Variants in CACNA1C observed in about 807,000 individuals in gnomAD.
CACNA1C encodes the protein voltage-dependent L-type calcium channel subunit alpha-1C.
CACNA1C carries 30 observed loss-of-function variants against 229.0 expected under a neutral mutation model. The ratio of observed to expected loss-of-function variants is 0.13; its 90% CI spans 0.10 to 0.18. The LOEUF is 0.18. CACNA1C is among the 10% of genes least tolerant of loss of function. The probability of loss-of-function intolerance (pLI) is 1.00; values close to 1 mark genes in which losing one functional copy is unlikely to be tolerated. For synonymous variants in CACNA1C, 1,114 were observed against 1,132.5 expected, an observed-to-expected ratio of 0.98 and a Z score of 0.33; for missense variants, 1,658 against 2,845.0, an observed-to-expected ratio of 0.58 and a Z score of 9.49.
chr12:2,596,000 C>T lies in CACNA1C; in HGVS notation c.2790C>T (p.Asn930=). Residue 930 remains asparagine, a synonymous_variant, in exon 20 of 47, where the codon AAC becomes AAT. Coordinates refer to ENST00000399655, the MANE Select transcript of CACNA1C (RefSeq NM_000719.7). The surrounding 1 kb of genome is among the most constrained non-coding windows in gnomAD (Gnocchi z 4.1). ...CGGTCCAGCACACCTCCTTCAGGAA[C>T]CATGTATGCATCGCCTGTGTCTTCT... The part of the protein sequence containing the change: ...EDPVQHTSFR[N]HILFYFDIVF... The T allele has an allele frequency of 6.2e-7, 1 of 1,612,594 alleles. No individual in the cohort carries two copies. The highest frequency in any genetic ancestry group is 8.5e-7 in the Non-Finnish European group (1 of 1,179,200).
In CACNA1C at chr12:2,639,311, C is replaced by T. The variant is rs958318935; in HGVS notation, c.3912+4931C>T. Among the ~76,000 whole-genome samples, 6 of 152,306 alleles carry T rather than the reference C, an allele frequency of 3.9e-5. No individual in the cohort carries two copies. Among genetic ancestry groups the T allele is most frequent in the South Asian group, 2.1e-4 (1 of 4,818 alleles). ...GAAATCATATTTTCCTGTGATTGTT[C>T]GTGAAAGTTACTACAGCACCAGAAA... On this transcript the variant is annotated intron_variant, in intron 30 of 46. Transcript: ENST00000399655. The surrounding 1 kb of genome is among the most constrained non-coding windows in gnomAD (Gnocchi z 4.2).
chr12:2,311,897 T>C (rs1341383605), intron 3 of CACNA1C, among the ~76,000 whole-genome samples: 4 of 152,216 alleles, frequency 2.6e-5, no homozygotes, highest in Admixed American at 2.6e-4. Context: ...AACTTAAAAA[T>C]GGTTAACATA....
intron 1 of CACNA1C, among the ~76,000 whole-genome samples, chr12:2,069,735 A>G (rs2060541257): frequency 6.6e-6 from 1 of 152,238 alleles, no homozygotes; most frequent in Non-Finnish European, 1.5e-5. Context: ...GAAATATGGC[A>G]GGAGAAAACT....
chr12:2,089,518 A>G lies in CACNA1C; in HGVS notation c.50-25706A>G, dbSNP rs534596615. Among the ~76,000 whole-genome samples, 10 of 152,346 alleles carry G rather than the reference A, an allele frequency of 6.6e-5. No individual in the cohort carries two copies. The East Asian group carries it at 1.5e-3, about 24-fold the overall frequency. ...AGGAATAAAACAGGTTGTGATGAACATGGCAACAGAGCGTGGTGACAGGAT... is the reference window on the plus strand; with the variant it reads ...AGGAATAAAACAGGTTGTGATGAACGTGGCAACAGAGCGTGGTGACAGGAT... On this transcript the variant is annotated intron_variant, in intron 1 of 46. Coordinates refer to ENST00000399655, the MANE Select transcript of CACNA1C (RefSeq NM_000719.7).
rs568934810 is a variant in CACNA1C, at chr12:2,474,236, C to T, written c.758-11868C>T. On this transcript the variant is annotated intron_variant, in intron 5 of 46. Coordinates refer to ENST00000399655, the MANE Select transcript of CACNA1C (RefSeq NM_000719.7). ...AGTGAGTGCAACCAAGCCACCTTTT[C>T]CTCCTGTTTGGCCTTATTATCAAGT... 8.9e-4 allele frequency among the ~76,000 whole-genome samples: 135 copies of T among 152,330 alleles called. 1 individual carries two copies. The highest frequency in any genetic ancestry group is 3.1e-3 in the African/African-American group (127 of 41,582).
At chr12:2,154,182 T>TTAGTC (rs1170698264) in intron 3 of CACNA1C, among the ~76,000 whole-genome samples, 2 of 152,286 alleles carry the variant, frequency 1.3e-5, no homozygotes, top group Admixed American at 1.3e-4. Flanking sequence ...AAAAGGAGGC[T>TTAGTC]TAGTCATCTT....
intron 1 of CACNA1C, among the ~76,000 whole-genome samples, chr12:2,093,011 G>T (rs2154080930): frequency 6.6e-6 from 1 of 152,358 alleles, no homozygotes; most frequent in South Asian, 2.1e-4. Flanking sequence ...ACAGCCTGGA[G>T]GAGGTGACGG....
intron 1 of CACNA1C, among the ~76,000 whole-genome samples, chr12:1,983,282 G>C (rs2036690025): frequency 6.6e-6 from 1 of 151,248 alleles, no homozygotes; most frequent in African/African-American, 2.4e-5. Flanking sequence ...CCTTCTGTTT[G>C]CTTTGGATTT....
intron 3 of CACNA1C, among the ~76,000 whole-genome samples, chr12:2,445,396 C>T (rs931683238): frequency 3.9e-5 from 6 of 152,210 alleles, no homozygotes; most frequent in African/African-American, 1.4e-4. Flanking sequence ...CCAACACTTA[C>T]ATAAACATGT....
chr12:2,471,416 C>T (rs143025471), intron 5 of CACNA1C, among the ~76,000 whole-genome samples: 1 of 152,294 alleles, frequency 6.6e-6, no homozygotes, highest in East Asian at 1.9e-4. Context: ...GTTTCTGATG[C>T]TTCTACTACA....
rs534752559 is a variant in CACNA1C at position 2,142,627 on chromosome 12, C to G, written c.477+22197C>G. ...AGGACATGCAGCTGTGTATTATTTT[C>G]CCCGAAGACCTTCCAGTGGCACAAG... is the stretch of plus-strand genomic sequence containing the variant. On this transcript the variant is annotated intron_variant, in intron 3 of 46. Transcript: ENST00000399655. 4.0e-5 allele frequency among the ~76,000 whole-genome samples: 6 copies of G among 151,334 alleles called. No individual in the cohort carries two copies. In the South Asian group the frequency reaches 1.3e-3, roughly 32 times the overall value.
intron 22 of CACNA1C, 116 bp from the exon 23 acceptor site, chr12:2,604,963 CTT>C (rs2074583252): frequency 1.3e-6 from 1 of 760,936 alleles, no homozygotes; most frequent in Non-Finnish European, 2.3e-6. Context: ...CCAAGATGGG[CTT>C]TATGTTTTCT....
intron 3 of CACNA1C, among the ~76,000 whole-genome samples, chr12:2,370,796 G>A (rs11062206): frequency 0.3 from 45,547 of 152,062 alleles, 7,590 homozygotes; most frequent in Non-Finnish European, 0.38. Flanking sequence ...GGATCGGGGG[G>A]ATTTCACTGC....
chr12:2,299,506 G>A (rs1462320336), intron 3 of CACNA1C, among the ~76,000 whole-genome samples: 1 of 152,128 alleles, frequency 6.6e-6, no homozygotes, highest in Non-Finnish European at 1.5e-5. Flanking sequence ...GCTATGGACA[G>A]AGGGGTTCCT....
At chr12:2,050,960 T>C (rs559735331), upstream of CACNA1C, among the ~76,000 whole-genome samples, 1 of 152,336 alleles carries the variant, frequency 6.6e-6, no homozygotes, top group African/African-American at 2.4e-5. Context: ...CTCTAGGCAC[T>C]GGTGAACAAA....
intron 5 of CACNA1C, among the ~76,000 whole-genome samples, chr12:2,474,381 A>G (rs1012890539): frequency 3.3e-5 from 5 of 152,224 alleles, no homozygotes; most frequent in Non-Finnish European, 4.4e-5. Context: ...CCTTGTATTC[A>G]AAACCCAGTT....
At chr12:2,480,139 G>A (rs1048983609) in intron 5 of CACNA1C, among the ~76,000 whole-genome samples, 1 of 152,170 alleles carries the variant, frequency 6.6e-6, no homozygotes, top group Non-Finnish European at 1.5e-5. Context: ...CAACAAACTG[G>A]TTCCTCAAAC....
chr12:2,111,043 G>C (rs560775136), intron 1 of CACNA1C, among the ~76,000 whole-genome samples: 5 of 136,230 alleles, frequency 3.7e-5, no homozygotes, highest in African/African-American at 1.3e-4. Context: ...CTGCACTCCT[G>C]TGCAGGGCCC....
At chr12:2,203,636 C>T (rs2097665548) in intron 3 of CACNA1C, among the ~76,000 whole-genome samples, 2 of 152,114 alleles carry the variant, frequency 1.3e-5, no homozygotes, top group South Asian at 4.1e-4. Context: ...GGAGGGTTTT[C>T]TGAATGTAGG....
Sources: allele counts gnomAD v4.1 joint callset (sites outside exome capture counted in the v4.1 genomes callset), GRCh38; gene constraint gnomAD v4.1.1; non-coding constraint Gnocchi (gnomAD v3.1); transcripts MANE v1.5; gene names NCBI Gene and HGNC (gene_info 2026-07-23, HGNC 2026-07-21).